Variants in DYM observed in about 807,000 individuals in gnomAD.
DYM encodes the protein dyggve-Melchior-Clausen syndrome protein.
Under a neutral mutation model 93.1 loss-of-function variants are expected in DYM, and 78 were observed. That is an observed-to-expected ratio of 0.84 (90% CI 0.70 to 1.01). The LOEUF (loss-of-function observed/expected upper bound fraction) is 1.01. Ranked by LOEUF, DYM falls within the 50% of genes least tolerant of loss-of-function variation. The pLI, the probability that DYM is intolerant of heterozygous loss-of-function variation, is 0.00. For synonymous variants in DYM, 321 were observed against 319.7 expected (o/e 1.00, Z -0.04); for missense variants, 789 against 845.0 (o/e 0.93, Z 0.82).
intron 2 of DYM, among the ~76,000 whole-genome samples, chr18:49,396,948 A>C (rs1442220996): frequency 6.6e-6 from 1 of 152,214 alleles, no homozygotes; most frequent in East Asian, 1.9e-4. Context: ...GTCAACAGGT[A>C]TAAAGTTACA....
At chr18:49,226,714 G>C (rs2093546983) in intron 13 of DYM, among the ~76,000 whole-genome samples, 1 of 152,104 alleles carries the variant, frequency 6.6e-6, no homozygotes, top group Non-Finnish European at 1.5e-5. Flanking sequence ...CTTACATTTT[G>C]AAAGAAGCAT....
intron 14 of DYM, among the ~76,000 whole-genome samples, chr18:49,183,581 C>T (rs2090134257): frequency 1.3e-5 from 2 of 152,148 alleles, no homozygotes; most frequent in Admixed American, 6.5e-5. Flanking sequence ...TAATTATATA[C>T]ATTTTATTTC....
At chr18:49,243,033 C>T (rs757318368) in intron 13 of DYM, among the ~76,000 whole-genome samples, 3 of 152,162 alleles carry the variant, frequency 2.0e-5, no homozygotes, top group Admixed American at 6.5e-5. Context: ...GCTTAGGGAA[C>T]GGCCAAGAGC....
chr18:49,248,862 G>A (rs1357332368), intron 13 of DYM, among the ~76,000 whole-genome samples: 2 of 152,160 alleles, frequency 1.3e-5, no homozygotes, highest in Non-Finnish European at 2.9e-5. Flanking sequence ...ACCATGTATT[G>A]TAATACCTGA....
intron 13 of DYM, among the ~76,000 whole-genome samples, chr18:49,230,698 T>C (rs1213810318): frequency 6.6e-6 from 1 of 152,198 alleles, no homozygotes; most frequent in African/African-American, 2.4e-5. Context: ...GAGGAAATAG[T>C]CAATGAAGCA....
chr18:49,215,473 T>C (rs1011546434), intron 13 of DYM, among the ~76,000 whole-genome samples: 3 of 152,170 alleles, frequency 2.0e-5, no homozygotes, highest in South Asian at 2.1e-4. Context: ...TTTACAGACA[T>C]AGACAATATA....
At chr18:49,104,881 G>A (rs1156397450) in intron 16 of DYM, among the ~76,000 whole-genome samples, 2 of 152,080 alleles carry the variant, frequency 1.3e-5, no homozygotes, top group Admixed American at 1.3e-4. Context: ...TTTTTTTGTT[G>A]TGTCTCCGCC....
intron 17 of DYM, among the ~76,000 whole-genome samples, chr18:49,059,002 A>G (rs1290906329): frequency 1.3e-5 from 2 of 152,386 alleles, no homozygotes; most frequent in African/African-American, 4.8e-5. Flanking sequence ...GATTTAAGGA[A>G]GACAGAATGA....
At chr18:49,246,268 A>G (rs12326673) in intron 13 of DYM, among the ~76,000 whole-genome samples, 41,726 of 152,124 alleles carry the variant, frequency 0.27, 7,077 homozygotes, top group African/African-American at 0.49. Context: ...ATGTATTTAC[A>G]TTGGACACGT....
intron 2 of DYM, 49 bp downstream of exon 2, chr18:49,430,206 G>C: frequency 6.4e-7 from 1 of 1,571,892 alleles, no homozygotes; most frequent in Non-Finnish European, 8.7e-7. Flanking sequence ...TACCACACAA[G>C]TTGATATGGC....
chr18:49,370,166 T>C (rs1467336225), intron 5 of DYM, among the ~76,000 whole-genome samples: 1 of 151,244 alleles, frequency 6.6e-6, no homozygotes. Context: ...TAATCCTAGC[T>C]ACTTGGGAGG....
At chr18:49,196,446 C>T (rs534223737) in intron 14 of DYM, among the ~76,000 whole-genome samples, 96 of 151,714 alleles carry the variant, frequency 6.3e-4, no homozygotes, top group African/African-American at 2.2e-3. Flanking sequence ...GTTACACACA[C>T]ACACACACAC....
At chr18:49,289,750 T>TATATATATATATATATACAC in intron 8 of DYM, among the ~76,000 whole-genome samples, 1 of 41,558 alleles carries the variant, frequency 2.4e-5, no homozygotes, top group Non-Finnish European at 4.5e-5. Context: ...TATATATATA[T>TATATATATATATATATACAC]ATATATATAT....
intron 14 of DYM, among the ~76,000 whole-genome samples, chr18:49,166,240 T>C (rs1414088484): frequency 1.3e-5 from 2 of 152,192 alleles, no homozygotes; most frequent in African/African-American, 2.4e-5. Context: ...TATATATCCA[T>C]CTTTGTTATT....
intron 2 of DYM, among the ~76,000 whole-genome samples, chr18:49,428,941 A>G (rs2074557992): frequency 6.6e-6 from 1 of 151,312 alleles, no homozygotes; most frequent in Non-Finnish European, 1.5e-5. Context: ...AGTGGTGTGA[A>G]CAACATAAAT....
At position 49,039,066 on chromosome 18, in the gene DYM, G is replaced by C. The variant is rs1400094737; in HGVS notation, c.*4989C>G. 6.6e-6 allele frequency among the ~76,000 whole-genome samples: 1 copy of C among 152,112 alleles called. No homozygotes were observed. Among genetic ancestry groups the C allele is most frequent in the African/African-American group, 2.4e-5 (1 of 41,414 alleles). ...GTTTGGGATTATTTTCCTTCTGCCT[G>C]TAAAACACCTTTTAAATTTTCCTTT... On this transcript the variant is annotated 3_prime_UTR_variant, in exon 18 of 18. Coordinates refer to ENST00000675505, the MANE Select transcript of DYM (RefSeq NM_001353214.3).
intron 11 of DYM, among the ~76,000 whole-genome samples, chr18:49,269,592 A>C (rs1267906871): frequency 2.0e-5 from 3 of 152,214 alleles, no homozygotes; most frequent in African/African-American, 7.2e-5. Context: ...AATGTAATAC[A>C]TACAGTCATT....
chr18:49,342,419 G>T (rs201707253), intron 6 of DYM, among the ~76,000 whole-genome samples: 12,101 of 151,998 alleles, frequency 0.08, 744 homozygotes, highest in East Asian at 0.3. Context: ...TGACATATAA[G>T]TTATGTTACT....
chr18:49,302,450 T>C (rs574968984), intron 8 of DYM, among the ~76,000 whole-genome samples: 100 of 152,358 alleles, frequency 6.6e-4, no homozygotes, highest in Non-Finnish European at 1.2e-3. Context: ...CTTGGAAAAA[T>C]GTCAATCTGT....
Sources: gnomAD v4.1 joint callset for allele counts (sites outside exome capture counted in the v4.1 genomes callset) on GRCh38, gnomAD v4.1.1 for gene constraint, MANE v1.5 for transcripts, NCBI Gene and HGNC (gene_info 2026-07-23, HGNC 2026-07-21) for gene names.